ATP10D: variants seen among roughly 807,000 people sequenced by gnomAD.
The protein encoded by ATP10D is phospholipid-transporting ATPase VD.
Under a neutral mutation model 144.8 loss-of-function variants are expected in ATP10D, and 89 were observed. That is an observed-to-expected ratio of 0.61 (90% CI 0.52 to 0.73). The LOEUF (loss-of-function observed/expected upper bound fraction) is 0.73, where lower values mean the gene tolerates loss of function less well. ATP10D is among the 30% of genes least tolerant of loss of function. The pLI, the probability that ATP10D is intolerant of heterozygous loss-of-function variation, is 0.00. For missense variants in ATP10D, 1,603 were observed against 1,714.8 expected (o/e 0.93, Z 1.15); for synonymous variants, 571 against 615.1 (o/e 0.93, Z 1.06).
chr4:47,527,573 T>C (rs552905099), intron 5 of ATP10D, among the ~76,000 whole-genome samples: 1 of 152,246 alleles, frequency 6.6e-6, no homozygotes, highest in East Asian at 1.9e-4. Flanking sequence ...TCATAATATA[T>C]AAAGGAATCT....
intron 18 of ATP10D, 143 bp downstream of exon 18, chr4:47,573,140 T>C: frequency 9.6e-7 from 1 of 1,042,108 alleles, no homozygotes; most frequent in Non-Finnish European, 1.4e-6. Context: ...TTGCTGTCTT[T>C]CCAGAACTAA....
At chr4:47,549,178 C>G (rs1718595009) in intron 10 of ATP10D, among the ~76,000 whole-genome samples, 1 of 152,184 alleles carries the variant, frequency 6.6e-6, no homozygotes, top group Admixed American at 6.5e-5. Context: ...CATCTTTAAT[C>G]TTCTGGAGTT....
In ATP10D at chr4:47,584,883, G is replaced by T. The variant is rs1391660132; in HGVS notation, c.3754-2136G>T. 3.3e-5 allele frequency among the ~76,000 whole-genome samples: 5 copies of T among 152,108 alleles called. No individual in the cohort carries two copies. The East Asian group carries it at 9.6e-4, about 29-fold the overall frequency. ...AAGCAGTCTGTGTGACTCTTGTGAA[G>T]GTATCTGCCATGGGGAAATACTTTG... On this transcript the variant is annotated intron_variant, in intron 21 of 22. Transcript: ENST00000273859.
intron 3 of ATP10D, among the ~76,000 whole-genome samples, chr4:47,518,963 G>A (rs1401365940): frequency 1.3e-5 from 2 of 151,966 alleles, no homozygotes; most frequent in African/African-American, 2.4e-5. Flanking sequence ...TGTAAAAGTG[G>A]GGCTGTCCTG....
chr4:47,507,016 C>T (rs1012662521), intron 1 of ATP10D, among the ~76,000 whole-genome samples: 1 of 152,136 alleles, frequency 6.6e-6, no homozygotes, highest in Non-Finnish European at 1.5e-5. Context: ...TAGTTAGTTG[C>T]CTAGAAGCCT....
rs201079510 is a variant in ATP10D at position 47,515,497 on chromosome 4, G to A, written c.312G>A (p.Leu104=). 5.0e-6 allele frequency: 8 copies of A among 1,612,308 alleles called. No homozygotes were observed. The highest frequency in any genetic ancestry group is 6.8e-6 in the Non-Finnish European group (8 of 1,179,156). ...GCAGAGCTGCCAATTTATATTTCCT[G>A]TTCCTAGTTGTCCTGAACTGGGTAC... ...QFHRAANLYF[L]FLVVLNWVPL... is the part of the protein sequence containing the mutation. The change falls in exon 3 of 23, where the codon CTG becomes CTA. Residue 104 remains leucine (L), a synonymous_variant. Coordinates refer to ENST00000273859, the MANE Select transcript of ATP10D (RefSeq NM_020453.4).
At chr4:47,523,708 T>C (rs983243169) in intron 4 of ATP10D, among the ~76,000 whole-genome samples, 1 of 152,346 alleles carries the variant, frequency 6.6e-6, no homozygotes, top group Non-Finnish European at 1.5e-5. Flanking sequence ...GGACAAGTCA[T>C]TTAAACACTT....
At chr4:47,577,195 G>T (rs1011104016) in intron 19 of ATP10D, among the ~76,000 whole-genome samples, 2 of 152,194 alleles carry the variant, frequency 1.3e-5, no homozygotes, top group Non-Finnish European at 2.9e-5. Flanking sequence ...GAAATCTAAA[G>T]TTTGAATCTT....
intron 1 of ATP10D, among the ~76,000 whole-genome samples, chr4:47,510,944 T>C (rs1340608966): frequency 2.0e-5 from 3 of 152,244 alleles, no homozygotes; most frequent in Non-Finnish European, 4.4e-5. Context: ...ATGTGCATTA[T>C]GTGAAACTAA....
At chr4:47,486,731 G>C (rs1476818690) in intron 1 of ATP10D, among the ~76,000 whole-genome samples, 1 of 152,030 alleles carries the variant, frequency 6.6e-6, no homozygotes, top group East Asian at 1.9e-4. Context: ...ATTAAAATGA[G>C]GTCATTTTAT....
chr4:47,493,480 G>A (rs971343030), intron 1 of ATP10D, among the ~76,000 whole-genome samples: 3 of 152,150 alleles, frequency 2.0e-5, no homozygotes, highest in African/African-American at 7.2e-5. Context: ...AGATGACTTT[G>A]TCCAACTGTA....
intron 1 of ATP10D, among the ~76,000 whole-genome samples, chr4:47,486,424 C>T (rs1332659832): frequency 6.6e-6 from 1 of 152,230 alleles, no homozygotes; most frequent in Non-Finnish European, 1.5e-5. Context: ...AAACCTCTAA[C>T]TCAAAATCAA....
At chr4:47,538,113 T>G (rs1236058395) in intron 9 of ATP10D, among the ~76,000 whole-genome samples, 1 of 152,224 alleles carries the variant, frequency 6.6e-6, no homozygotes, top group African/African-American at 2.4e-5. Flanking sequence ...CTTTTTAATC[T>G]GTGTGATTTT....
chr4:47,558,156 G>A lies in ATP10D; in HGVS notation c.2317G>A (p.Asp773Asn). Residue 773 changes from aspartate to asparagine, a missense_variant, in exon 12 of 23, where the codon GAC becomes AAC. Coordinates refer to ENST00000273859, the MANE Select transcript of ATP10D (RefSeq NM_020453.4). ...TCAACTCCTACACATCCTGCCCTTT[G>A]ACTCAGTAAGAAAAAGAATGTCTGT... ...TFQLLHILPF[D>N]SVRKRMSVVV... 1.2e-6 allele frequency: 2 copies of A among 1,614,142 alleles called. No homozygotes were observed. The highest frequency in any genetic ancestry group is 1.3e-5 in the African/African-American group (1 of 75,024).
At chr4:47,576,330 C>T (rs28688053) in intron 18 of ATP10D, among the ~76,000 whole-genome samples, 4,012 of 152,120 alleles carry the variant, frequency 0.026, 177 homozygotes, top group African/African-American at 0.09. Flanking sequence ...GTAGGGCAGA[C>T]CACAGGAAAG....
chr4:47,575,771 A>T (rs952865531), intron 18 of ATP10D, among the ~76,000 whole-genome samples: 2 of 152,106 alleles, frequency 1.3e-5, no homozygotes, highest in East Asian at 3.9e-4. Context: ...GTGGCTTGTA[A>T]ACAACATTTC....
intron 5 of ATP10D, among the ~76,000 whole-genome samples, 190 bp from the exon 6 acceptor site, chr4:47,535,317 TAA>T (rs5858077): frequency 1.4e-5 from 2 of 141,386 alleles, no homozygotes; most frequent in African/African-American, 2.6e-5. Flanking sequence ...CCTAAAAGTC[TAA>T]AAAAAAAAAA....
Position 47,512,577 on chromosome 4 carries a change from C to T in ATP10D, c.37C>T (p.Arg13Ter), listed in dbSNP as rs774800431. Residue 13 changes from arginine (R) to a stop codon, truncating the protein, a stop_gained, in exon 2 of 23, where the codon CGA becomes TGA. Transcript: ENST00000273859. LOFTEE classifies it high-confidence loss of function. ...EALQWARYHW[R>*]RLIRGATRDD... ...TCTCCAATGGGCCAGATATCACTGG[C>T]GACGGCTGATCAGAGGTGCAACCAG... is the stretch of plus-strand genomic sequence containing the variant. 2.5e-5 allele frequency: 40 copies of T among 1,613,906 alleles called. No individual in the cohort carries two copies. The highest frequency in any genetic ancestry group is 5.3e-5 in the African/African-American group (4 of 74,902).
rs763249132 is a variant in ATP10D at position 47,560,966 on chromosome 4, A to G, written c.2559A>G (p.Glu853=). 6.2e-7 allele frequency: 1 copy of G among 1,614,168 alleles called. No individual in the cohort carries two copies. The highest frequency in any genetic ancestry group is 2.2e-5 in the East Asian group (1 of 44,878). ...TCCCGTAGGTCATGAGTGACACTGA[A>G]TATGCAGAGTGGCTGAGGAATCATT... ...CIAKKVMSDT[E]YAEWLRNHFL... The change falls in exon 14 of 23, where the codon GAA becomes GAG. Residue 853 remains glutamate (E), a synonymous_variant. Transcript: ENST00000273859.
Sources: gnomAD v4.1 joint callset for allele counts (sites outside exome capture counted in the v4.1 genomes callset) on GRCh38, gnomAD v4.1.1 for gene constraint, MANE v1.5 for transcripts, NCBI Gene and HGNC (gene_info 2026-07-23, HGNC 2026-07-21) for gene names.